The following CFAP43 variants were observed in gnomAD, a reference collection of about 807,000 sequenced individuals.
CFAP43 encodes cilia and flagella associated protein 43.
Under a neutral mutation model 218.9 loss-of-function variants are expected in CFAP43, and 155 were observed. The observed-to-expected ratio is 0.71, with a 90% confidence interval of 0.62 to 0.81. CFAP43 has a LOEUF of 0.81. Ranked by LOEUF, CFAP43 falls within the 30% of genes least tolerant of loss-of-function variation. The probability of loss-of-function intolerance (pLI) is 0.00; values close to 1 mark genes in which losing one functional copy is unlikely to be tolerated. For synonymous variants in CFAP43, 645 were observed against 681.3 expected (o/e 0.95, Z 0.83); for missense variants, 1,778 against 1,954.3 (o/e 0.91, Z 1.70).
rs1248228662 is a variant in CFAP43, at chr10:104,181,630, G to C, written c.2289+736C>G. On this transcript the variant is annotated intron_variant, in intron 17 of 37. Coordinates refer to ENST00000357060, the MANE Select transcript of CFAP43 (RefSeq NM_025145.7). ...CCTCCCACCACTTTCTCCCTAGCTCGCTTCAACTGCACAGGTCTTTTTTAG... is the reference window on the plus strand; with the variant it reads ...CCTCCCACCACTTTCTCCCTAGCTCCCTTCAACTGCACAGGTCTTTTTTAG... 2.6e-5 allele frequency among the ~76,000 whole-genome samples: 4 copies of C among 152,042 alleles called. No individual in the cohort carries two copies. The East Asian group carries it at 7.7e-4, about 29-fold the overall frequency.
intron 27 of CFAP43, among the ~76,000 whole-genome samples, chr10:104,152,934 T>G (rs551862189): frequency 1.8e-3 from 278 of 152,142 alleles, no homozygotes; most frequent in South Asian, 4.4e-3. Flanking sequence ...AAAGATTACA[T>G]TGGGGAAAAA....
In CFAP43 at chr10:104,172,551, A is replaced by G; in HGVS notation, c.2461-16T>C. ...TATTCAGAATCTGAATGTTGAAATA[A>G]AAAAGAGTGCTGACAAGTAAAGAAT... On this transcript the variant is annotated splice_polypyrimidine_tract_variant and intron_variant, in intron 19 of 37. Transcript: ENST00000357060. The G allele has an allele frequency of 6.3e-7, 1 of 1,577,832 alleles. No homozygotes were observed. Among genetic ancestry groups the G allele is most frequent in the South Asian group, 1.2e-5 (1 of 84,008 alleles).
At chr10:104,207,918 A>G in intron 5 of CFAP43, 94 bp from the exon 6 acceptor site, 1 of 1,276,328 alleles carries the variant, frequency 7.8e-7, no homozygotes, top group Non-Finnish European at 1.1e-6. Context: ...AAGGAACCAT[A>G]CTTAACCCCA....
intron 34 of CFAP43, among the ~76,000 whole-genome samples, chr10:104,140,001 C>A (rs548160521): frequency 4.3e-4 from 65 of 152,184 alleles, no homozygotes; most frequent in African/African-American, 1.5e-3. Context: ...TTAAATAACA[C>A]GCTTTTAAAT....
chr10:104,188,369 A>G lies in CFAP43; in HGVS notation c.1588T>C (p.Leu530=), dbSNP rs371553480. 1.6e-5 allele frequency: 26 copies of G among 1,614,016 alleles called. No homozygotes were observed. Among genetic ancestry groups the G allele is most frequent in the Non-Finnish European group, 2.0e-5 (24 of 1,180,030 alleles). The part of the protein sequence containing the change: ...DILQISTVSL[L]ETDIVEVMVL... The stretch of plus-strand genomic sequence containing the variant: ...ATCACTTCCACTATGTCTGTTTCTA[A>G]AAGAGACACTGTGGATATCTGTAAA... Residue 530 remains leucine (L), a synonymous_variant, in exon 13 of 38, where the codon TTA becomes CTA. Transcript: ENST00000357060.
At chr10:104,214,148 T>G (rs1344738996) in intron 4 of CFAP43, 111 bp downstream of exon 4, 2 of 988,604 alleles carry the variant, frequency 2.0e-6, no homozygotes, top group Non-Finnish European at 2.9e-6. Context: ...TGTGTGTGTA[T>G]GCATATATAT....
intron 34 of CFAP43, among the ~76,000 whole-genome samples, chr10:104,139,823 G>A (rs1056621356): frequency 6.6e-6 from 1 of 152,112 alleles, no homozygotes; most frequent in African/African-American, 2.4e-5. Flanking sequence ...GAAAATTAAG[G>A]TAAATAGAAA....
intron 3 of CFAP43, among the ~76,000 whole-genome samples, chr10:104,219,592 T>C (rs1003576137): frequency 1.3e-5 from 2 of 152,184 alleles, no homozygotes; most frequent in Non-Finnish European, 2.9e-5. Flanking sequence ...AGTGTGAGTA[T>C]CCTTCCCAGT....
At chr10:104,142,024 G>A (rs796374250) in intron 33 of CFAP43, among the ~76,000 whole-genome samples, 4 of 152,118 alleles carry the variant, frequency 2.6e-5, no homozygotes, top group African/African-American at 9.7e-5. Flanking sequence ...ATGTGGAAGG[G>A]GCCGACTTAA....
chr10:104,157,840 A>C (rs796780060), intron 27 of CFAP43, among the ~76,000 whole-genome samples: 15 of 151,476 alleles, frequency 9.9e-5, no homozygotes, highest in African/African-American at 3.6e-4. Flanking sequence ...CAAAGAACAC[A>C]TCTGGTATCC....
chr10:104,179,175 G>C, intron 18 of CFAP43, 69 bp from the exon 19 acceptor site: 5 of 1,347,690 alleles, frequency 3.7e-6, no homozygotes, highest in Non-Finnish European at 5.2e-6. Context: ...GAGAGAGAGA[G>C]AGAGAGCAAT....
intron 10 of CFAP43, among the ~76,000 whole-genome samples, chr10:104,196,643 T>C (rs2090388722): frequency 6.6e-6 from 1 of 152,208 alleles, no homozygotes; most frequent in Non-Finnish European, 1.5e-5. Flanking sequence ...AAACTTATTG[T>C]TTTCTATAAC....
intron 3 of CFAP43, 146 bp from the exon 4 acceptor site, chr10:104,214,572 A>G: frequency 1.3e-6 from 1 of 744,868 alleles, no homozygotes; most frequent in South Asian, 2.6e-5. Flanking sequence ...AAATTTATAA[A>G]TAATTATGCT....
At position 104,164,082 on chromosome 10, in the gene CFAP43, G is replaced by C; in HGVS notation, c.3246+12C>G. On this transcript the variant is annotated intron_variant, in intron 24 of 37. Transcript: ENST00000357060. ...GAGAAAGAAGGGAAAGGAGAACACAGCTAGCCAGTACCTCCTCATCTTGCA... is the reference window on the plus strand; with the variant it reads ...GAGAAAGAAGGGAAAGGAGAACACACCTAGCCAGTACCTCCTCATCTTGCA... 6.2e-7 allele frequency: 1 copy of C among 1,613,746 alleles called. No individual in the cohort carries two copies. The highest frequency in any genetic ancestry group is 8.5e-7 in the Non-Finnish European group (1 of 1,179,816).
At chr10:104,213,461 T>C (rs2090922623) in intron 4 of CFAP43, among the ~76,000 whole-genome samples, 1 of 152,164 alleles carries the variant, frequency 6.6e-6, no homozygotes, top group African/African-American at 2.4e-5. Context: ...CCCAGTTCTA[T>C]TTAAACAGGT....
At chr10:104,177,776 A>G (rs985609978) in intron 19 of CFAP43, among the ~76,000 whole-genome samples, 3 of 152,234 alleles carry the variant, frequency 2.0e-5, no homozygotes, top group Non-Finnish European at 2.9e-5. Flanking sequence ...TTACCTACAA[A>G]GAATTGGGAG....
At position 104,193,880 on chromosome 10, in the gene CFAP43, G is replaced by A. The variant is rs201198101; in HGVS notation, c.1428C>T (p.Ser476=). Residue 476 remains serine, a synonymous_variant, in exon 11 of 38, where the codon TCC becomes TCT. Coordinates refer to ENST00000357060, the MANE Select transcript of CFAP43 (RefSeq NM_025145.7). ...VVHKAFLSES[S]VQHVVYDQQG... is the part of the protein sequence containing the mutation. ...AAAGGACTTACACGACGTGCTGCAC[G>A]GACGATTCCGAGAGAAAGGCCTTGT... The A allele has an allele frequency of 5.1e-5, 83 of 1,614,018 alleles. No homozygotes were observed. In the African/African-American group the frequency reaches 8.1e-4, roughly 16 times the overall value.
intron 35 of CFAP43, chr10:104,132,717 A>G (rs977025862): frequency 5.1e-6 from 5 of 985,052 alleles, no homozygotes; most frequent in Non-Finnish European, 4.8e-6. Flanking sequence ...CAAAGCACCA[A>G]TTATTACAAA....
intron 32 of CFAP43, among the ~76,000 whole-genome samples, chr10:104,142,837 A>G (rs534878337): frequency 6.6e-6 from 1 of 152,260 alleles, no homozygotes; most frequent in Non-Finnish European, 1.5e-5. Flanking sequence ...TAGCAAAACT[A>G]TAAAGTTGGT....
Sources: allele counts gnomAD v4.1 joint callset (sites outside exome capture counted in the v4.1 genomes callset), GRCh38; gene constraint gnomAD v4.1.1; transcripts MANE v1.5; gene names NCBI Gene and HGNC (gene_info 2026-07-23, HGNC 2026-07-21).